Variants in STN1 observed in about 807,000 individuals in gnomAD.
STN1 encodes the protein CST complex subunit STN1.
Under a neutral mutation model 45.5 loss-of-function variants are expected in STN1, and 29 were observed. The observed-to-expected ratio is 0.64, with a 90% CI of 0.47 to 0.87. STN1 has a LOEUF of 0.87. Ranked by LOEUF, STN1 falls within the 40% of genes least tolerant of loss-of-function variation. STN1 has a pLI of 0.00. For missense variants in STN1, 376 were observed against 441.4 expected, an observed-to-expected ratio of 0.85 and a Z score of 1.33; for synonymous variants, 148 against 159.0, an observed-to-expected ratio of 0.93 and a Z score of 0.52.
At chr10:103,891,811 T>C (rs1048471612) in intron 8 of STN1, among the ~76,000 whole-genome samples, 3 of 152,204 alleles carry the variant, frequency 2.0e-5, no homozygotes, top group African/African-American at 2.4e-5. Context: ...AGTCCTGAAG[T>C]TGGCTCTGTG....
intron 9 of STN1, among the ~76,000 whole-genome samples, chr10:103,884,325 A>G (rs1219536294): frequency 1.3e-5 from 2 of 152,094 alleles, no homozygotes; most frequent in African/African-American, 4.8e-5. Flanking sequence ...GGTTGCGATC[A>G]GCAACTTTTT....
intron 8 of STN1, among the ~76,000 whole-genome samples, chr10:103,889,692 TTCC>T (rs1843126410): frequency 1.0e-5 from 1 of 96,160 alleles, no homozygotes; most frequent in Non-Finnish European, 2.2e-5. Flanking sequence ...CTTTTTCTTT[TTCC>T]TTTTTTTTTT....
At chr10:103,885,594 A>G (rs1055464839) in intron 9 of STN1, among the ~76,000 whole-genome samples, 1 of 152,166 alleles carries the variant, frequency 6.6e-6, no homozygotes, top group Non-Finnish European at 1.5e-5. Flanking sequence ...TTGTAGAGAC[A>G]GGGTCTTGCT....
rs953725651 is a variant in STN1 at position 103,880,926 on chromosome 10, C to T, written c.*1758G>A. 3.3e-5 allele frequency among the ~76,000 whole-genome samples: 5 copies of T among 152,066 alleles called. No individual in the cohort carries two copies. In the South Asian group the frequency reaches 6.2e-4, roughly 19 times the overall value. On this transcript the variant is annotated 3_prime_UTR_variant, in exon 10 of 10. Coordinates refer to ENST00000224950, the MANE Select transcript of STN1 (RefSeq NM_024928.5). ...GTACATGTGCTACATTTATAAAGACCTCCATGCAGAAATATACACTCTCTC... is the reference window on the plus strand; with the variant it reads ...GTACATGTGCTACATTTATAAAGACTTCCATGCAGAAATATACACTCTCTC...
chr10:103,900,870 G>T (rs1243970077), intron 4 of STN1, among the ~76,000 whole-genome samples: 1 of 152,096 alleles, frequency 6.6e-6, no homozygotes, highest in Non-Finnish European at 1.5e-5. Context: ...CTTCCAAATT[G>T]TATTAGTTAA....
intron 2 of STN1, among the ~76,000 whole-genome samples, chr10:103,912,270 C>G (rs548581948): frequency 6.6e-6 from 1 of 152,154 alleles, no homozygotes; most frequent in Non-Finnish European, 1.5e-5. Context: ...GTCGCCCATG[C>G]TGGCCTCAAA....
At chr10:103,893,677 G>C (rs1410723968) in intron 7 of STN1, among the ~76,000 whole-genome samples, 1 of 152,156 alleles carries the variant, frequency 6.6e-6, no homozygotes, top group Non-Finnish European at 1.5e-5. Context: ...AAGGGGAGAG[G>C]AAAGAGCCTC....
intron 9 of STN1, among the ~76,000 whole-genome samples, chr10:103,884,828 T>A (rs1232089993): frequency 6.6e-6 from 1 of 152,208 alleles, no homozygotes; most frequent in African/African-American, 2.4e-5. Context: ...CAGAGACTGC[T>A]CCTGGGCTAA....
intron 7 of STN1, among the ~76,000 whole-genome samples, chr10:103,893,837 T>G (rs1843155434): frequency 6.6e-6 from 1 of 152,224 alleles, no homozygotes; most frequent in South Asian, 2.1e-4. Context: ...CCTAACACAC[T>G]AATTGAATTA....
chr10:103,899,578 T>C (rs1345290800), intron 5 of STN1, among the ~76,000 whole-genome samples: 1 of 151,982 alleles, frequency 6.6e-6, no homozygotes. Context: ...TTCCAGCTAC[T>C]CAGAAGGCTG....
chr10:103,917,914 C>G (rs1009122022), intron 1 of STN1, among the ~76,000 whole-genome samples, 186 bp downstream of exon 1: 6 of 152,236 alleles, frequency 3.9e-5, no homozygotes, highest in African/African-American at 1.4e-4. Flanking sequence ...AACTTTCACT[C>G]TGGGAAGATA....
At chr10:103,916,792 C>CAA (rs397768922) in intron 2 of STN1, among the ~76,000 whole-genome samples, 3,457 of 143,680 alleles carry the variant, frequency 0.024, 102 homozygotes, top group African/African-American at 0.074. Context: ...TATTCTAATA[C>CAA]AAAAAAAAAA....
At chr10:103,899,432 C>T (rs867709217) in intron 5 of STN1, among the ~76,000 whole-genome samples, 9 of 152,198 alleles carry the variant, frequency 5.9e-5, no homozygotes, top group South Asian at 2.1e-4. Flanking sequence ...CAGTGGCACA[C>T]GGCTGTAATC....
intron 2 of STN1, among the ~76,000 whole-genome samples, chr10:103,912,315 T>C (rs984582532): frequency 6.6e-6 from 1 of 152,156 alleles, no homozygotes; most frequent in Non-Finnish European, 1.5e-5. Flanking sequence ...ATTATAGGTG[T>C]GAGCCACTGC....
intron 2 of STN1, among the ~76,000 whole-genome samples, chr10:103,915,828 T>A (rs1157298837): frequency 6.6e-6 from 1 of 151,588 alleles, no homozygotes; most frequent in Non-Finnish European, 1.5e-5. Context: ...GGGGGAACGG[T>A]TTGGGGATGA....
chr10:103,906,520 G>T (rs1843242350), intron 3 of STN1, among the ~76,000 whole-genome samples: 1 of 152,016 alleles, frequency 6.6e-6, no homozygotes, highest in South Asian at 2.1e-4. Flanking sequence ...AATTAGCCAG[G>T]CTTGGTGGTA....
intron 7 of STN1, 44 bp from the exon 8 acceptor site, chr10:103,892,296 C>G: frequency 6.5e-7 from 1 of 1,543,006 alleles, no homozygotes; most frequent in South Asian, 1.3e-5. Context: ...ATAAGTCTCA[C>G]CTTACGGCAC....
intron 2 of STN1, among the ~76,000 whole-genome samples, chr10:103,914,370 ATATATTT>A (rs1417504518): frequency 6.9e-5 from 2 of 29,040 alleles, no homozygotes; most frequent in African/African-American, 8.8e-5. Flanking sequence ...ATATATATAT[ATATATTT>A]TTTTTTTTTT....
rs1023490983 is a variant in STN1 at position 103,881,607 on chromosome 10, T to C, written c.*1077A>G. ...GTTTCCACGGAGAGAGGAGCAACTC[T>C]CCAGGCCTAAAGGATCTCCAGCTGA... On this transcript the variant is annotated 3_prime_UTR_variant, in exon 10 of 10. Coordinates refer to ENST00000224950, the MANE Select transcript of STN1 (RefSeq NM_024928.5). Among the ~76,000 whole-genome samples the C allele has an allele frequency of 6.6e-6, 1 of 152,146 alleles. No homozygotes were observed. The highest frequency in any genetic ancestry group is 2.4e-5 in the African/African-American group (1 of 41,426).
Sources: gnomAD v4.1 joint callset for allele counts (sites outside exome capture counted in the v4.1 genomes callset) on GRCh38, gnomAD v4.1.1 for gene constraint, MANE v1.5 for transcripts, NCBI Gene and HGNC (gene_info 2026-07-23, HGNC 2026-07-21) for gene names.